Variants in SENP6 observed in about 807,000 individuals in gnomAD.
SENP6 encodes the protein sentrin-specific protease 6.
SENP6 carries 41 observed loss-of-function variants against 134.5 expected under a neutral mutation model. That is an observed-to-expected ratio of 0.30 (90% confidence interval 0.24 to 0.40). The LOEUF is 0.40. SENP6 is among the 10% of genes least tolerant of loss of function. The pLI, the probability that SENP6 is intolerant of heterozygous loss-of-function variation, is 1.00. For synonymous variants in SENP6, 395 were observed against 429.8 expected, an observed-to-expected ratio of 0.92 and a Z score of 1.00; for missense variants, 1,248 against 1,312.5, an observed-to-expected ratio of 0.95 and a Z score of 0.76.
At chr6:75,648,055 G>A (rs1770594967) in intron 7 of SENP6, among the ~76,000 whole-genome samples, 1 of 152,134 alleles carries the variant, frequency 6.6e-6, no homozygotes, top group African/African-American at 2.4e-5. Context: ...TTTGCAAATA[G>A]TGTAACTGTA....
intron 1 of SENP6, among the ~76,000 whole-genome samples, chr6:75,612,522 A>T (rs1177028058): frequency 6.6e-6 from 1 of 151,978 alleles, no homozygotes; most frequent in Non-Finnish European, 1.5e-5. Flanking sequence ...GTAGAGACAG[A>T]GTGTCACTAT....
At chr6:75,698,500 T>C (rs1447335096) in intron 18 of SENP6, among the ~76,000 whole-genome samples, 1 of 152,152 alleles carries the variant, frequency 6.6e-6, no homozygotes, top group Admixed American at 6.5e-5. Context: ...TCTGAATTTT[T>C]TTTTTTTAAC....
At chr6:75,686,892 A>G (rs1333489293) in intron 16 of SENP6, among the ~76,000 whole-genome samples, 1 of 152,112 alleles carries the variant, frequency 6.6e-6, no homozygotes, top group Admixed American at 6.5e-5. Flanking sequence ...GCTCTTCTCA[A>G]GGAGTATCTT....
At chr6:75,715,205 T>C (rs1394827106) in intron 23 of SENP6, among the ~76,000 whole-genome samples, 180 bp from the exon 24 acceptor site, 2 of 152,162 alleles carry the variant, frequency 1.3e-5, no homozygotes, top group Non-Finnish European at 2.9e-5. Context: ...AGATCTATGA[T>C]AGAAACTGTG....
chr6:75,616,285 ACT>A (rs1660922789), intron 1 of SENP6, among the ~76,000 whole-genome samples: 1 of 152,136 alleles, frequency 6.6e-6, no homozygotes. Context: ...ATGTAGTGAT[ACT>A]CTCAAGGACT....
At chr6:75,686,200 C>A (rs182923193) in intron 16 of SENP6, among the ~76,000 whole-genome samples, 12 of 151,126 alleles carry the variant, frequency 7.9e-5, no homozygotes, top group Middle Eastern at 3.4e-3. Flanking sequence ...CTGTTTTATC[C>A]GAGACTAGGA....
chr6:75,638,614 ATATATATATTTTTTT>A (rs1420742461), intron 5 of SENP6, among the ~76,000 whole-genome samples: 4 of 35,872 alleles, frequency 1.1e-4, no homozygotes, highest in Non-Finnish European at 1.4e-4. Context: ...ATATATATAT[ATATATATATTTTTTT>A]TTTTTTTTTT....
At position 75,634,774 on chromosome 6, in the gene SENP6, C is replaced by A. The variant is rs199794830; in HGVS notation, c.421C>A (p.His141Asn). 44 of 1,602,904 alleles carry A rather than the reference C, an allele frequency of 2.7e-5. 2 individuals are homozygous for A. The African/African-American group carries it at 3.9e-4, about 14-fold the overall frequency. The change falls in exon 5 of 24, where the codon CAT (histidine) becomes AAT (asparagine). Residue 141 changes from histidine to asparagine, a missense_variant. Physicochemically the swap from His to Asn is moderately conservative, Grantham distance 68 (BLOSUM62 1). Transcript: ENST00000447266. ...VVHGRRFHHA[H>N]AQIPVVKTAA... is the part of the protein sequence containing the mutation. ...TCATGGTAGACGTTTTCATCATGCT[C>A]ATGCACAGATACCAGTAGTAAAAAC...
intron 7 of SENP6, among the ~76,000 whole-genome samples, chr6:75,656,757 C>T (rs756194195): frequency 6.6e-6 from 1 of 152,176 alleles, no homozygotes; most frequent in Non-Finnish European, 1.5e-5. Context: ...CTCAGCTTAA[C>T]TTTCTTAATT....
At chr6:75,712,082 G>A (rs1450749696) in intron 21 of SENP6, among the ~76,000 whole-genome samples, 1 of 152,038 alleles carries the variant, frequency 6.6e-6, no homozygotes, top group African/African-American at 2.4e-5. Context: ...TGATTCCTTA[G>A]CTACTCTTTG....
intron 1 of SENP6, chr6:75,620,661 T>A (rs1768201616): frequency 6.6e-6 from 1 of 152,238 alleles, no homozygotes; most frequent in Non-Finnish European, 1.5e-5. Context: ...ATGGGGTGGA[T>A]GTACTTTATT....
At chr6:75,647,104 G>T (rs544941407) in intron 6 of SENP6, among the ~76,000 whole-genome samples, 1 of 152,076 alleles carries the variant, frequency 6.6e-6, no homozygotes, top group South Asian at 2.1e-4. Flanking sequence ...TTTAGAGTAG[G>T]AAAGTAGCTA....
intron 11 of SENP6, among the ~76,000 whole-genome samples, chr6:75,673,945 CG>C (rs1456188079): frequency 6.6e-6 from 1 of 151,758 alleles, no homozygotes; most frequent in Non-Finnish European, 1.5e-5. Context: ...CACTTGAACC[CG>C]GGAGGTGGAG....
chr6:75,695,743 A>G (rs1774617633), intron 16 of SENP6, 61 bp from the exon 17 acceptor site: 2 of 1,398,078 alleles, frequency 1.4e-6, no homozygotes, highest in Admixed American at 4.4e-5. Context: ...TCTCAAAAAA[A>G]TAGAAATAAA....
chr6:75,688,388 C>T (rs1015156496), intron 16 of SENP6, among the ~76,000 whole-genome samples: 1 of 152,180 alleles, frequency 6.6e-6, no homozygotes, highest in Non-Finnish European at 1.5e-5. Context: ...AGCTCACCCT[C>T]CATGGGCTGC....
At chr6:75,645,081 A>G (rs1419568782) in intron 6 of SENP6, among the ~76,000 whole-genome samples, 1 of 152,212 alleles carries the variant, frequency 6.6e-6, no homozygotes, top group African/African-American at 2.4e-5. Flanking sequence ...ACAGCTTGTA[A>G]AAATCTTGGG....
chr6:75,619,717 T>C (rs1768120061), intron 1 of SENP6, among the ~76,000 whole-genome samples: 2 of 152,194 alleles, frequency 1.3e-5, no homozygotes, highest in African/African-American at 4.8e-5. Flanking sequence ...CTGAACTGTT[T>C]TGCGTTCCCA....
At chr6:75,679,791 T>G (rs1210781710) in intron 16 of SENP6, 1 of 152,242 alleles carries the variant, frequency 6.6e-6, no homozygotes, top group Non-Finnish European at 1.5e-5. Context: ...TTAGCATCAG[T>G]ATGCATAGTT....
At chr6:75,636,147 T>C (rs1769495248) in intron 5 of SENP6, among the ~76,000 whole-genome samples, 1 of 152,174 alleles carries the variant, frequency 6.6e-6, no homozygotes, top group Admixed American at 6.6e-5. Context: ...ATTGCTCATT[T>C]ACATAAAAGA....
Sources: gnomAD v4.1 joint callset for allele counts (sites outside exome capture counted in the v4.1 genomes callset) on GRCh38, gnomAD v4.1.1 for gene constraint, MANE v1.5 for transcripts, NCBI Gene and HGNC (gene_info 2026-07-23, HGNC 2026-07-21) for gene names.